CCDC62: variants seen among roughly 807,000 people sequenced by gnomAD.
The protein encoded by CCDC62 is coiled-coil domain-containing protein 62.
In CCDC62, 72 loss-of-function variants were observed where a neutral mutation model predicts 80.8. That is an observed-to-expected ratio of 0.89 (90% CI 0.74 to 1.08). The LOEUF (loss-of-function observed/expected upper bound fraction) is 1.08. Among genes scored for constraint, CCDC62 ranks in the 50% least tolerant of loss-of-function variants. The pLI, the probability that CCDC62 is intolerant of heterozygous loss-of-function variation, is 0.00. For missense variants in CCDC62, 704 were observed against 809.4 expected (o/e 0.87, Z 1.58); for synonymous variants, 286 against 296.5 (o/e 0.96, Z 0.36).
chr12:122,786,134 C>T (rs1256067221), intron 4 of CCDC62, among the ~76,000 whole-genome samples: 2 of 151,900 alleles, frequency 1.3e-5, no homozygotes, highest in East Asian at 3.9e-4. Context: ...CATTAGATTG[C>T]TTGAGAGGTT....
At chr12:122,825,901 G>T (rs2032606786) in intron 12 of CCDC62, among the ~76,000 whole-genome samples, 1 of 149,472 alleles carries the variant, frequency 6.7e-6, no homozygotes, top group Admixed American at 6.8e-5. Flanking sequence ...GCTGATGCAG[G>T]AGAATGGCTT....
chr12:122,817,534 G>T (rs937694704), intron 11 of CCDC62, among the ~76,000 whole-genome samples: 4 of 151,462 alleles, frequency 2.6e-5, no homozygotes, highest in African/African-American at 9.7e-5. Flanking sequence ...ATGTTGGCCA[G>T]GCTGGTCTCA....
Position 122,801,503 on chromosome 12 carries a change from C to A in CCDC62, c.1357C>A (p.Pro453Thr), listed in dbSNP as rs2031304257. 3 of 1,614,028 alleles carry A rather than the reference C, an allele frequency of 1.9e-6. No homozygotes were observed. Among genetic ancestry groups the A allele is most frequent in the Non-Finnish European group, 2.5e-6 (3 of 1,180,036 alleles). Reference protein sequence around the residue: ...QNEGKQPSETPTLSDEKQWHD... With the variant: ...QNEGKQPSETTTLSDEKQWHD... ...CGAAGGAAAACAACCCTCAGAAACA[C>A]CCACTTTATCTGATGAGAAGCAGTG... The change falls in exon 9 of 13, where the codon CCC (proline) becomes ACC (threonine). Residue 453 changes from proline to threonine, a missense_variant. Pro to Thr is a conservative substitution (Grantham distance 38). Transcript: ENST00000253079.
chr12:122,798,476 G>T (rs990233902), intron 8 of CCDC62, among the ~76,000 whole-genome samples: 1 of 152,096 alleles, frequency 6.6e-6, no homozygotes, highest in African/African-American at 2.4e-5. Flanking sequence ...AGTGGCTCAT[G>T]CCTGTAGTCC....
At position 122,801,611 on chromosome 12, in the gene CCDC62, C is replaced by G. The variant is rs753671216; in HGVS notation, c.1465C>G (p.Gln489Glu). 6.2e-7 allele frequency: 1 copy of G among 1,614,154 alleles called. No homozygotes were observed. The highest frequency in any genetic ancestry group is 8.5e-7 in the Non-Finnish European group (1 of 1,180,030). ...AAAGCTGGATGTAGAATGTCAAGATCAGATGGAAAGGTCCGAAATCTCATG... is the reference window on the plus strand; with the variant it reads ...AAAGCTGGATGTAGAATGTCAAGATGAGATGGAAAGGTCCGAAATCTCATG... Reference protein sequence around the residue: ...PEKLDVECQDQMERSEISCCQ... With the variant: ...PEKLDVECQDEMERSEISCCQ... The change falls in exon 9 of 13, where the codon CAG becomes GAG. Residue 489 changes from glutamine (Q) to glutamate (E), a missense_variant. Transcript: ENST00000253079.
chr12:122,798,029 G>T, intron 7 of CCDC62, 56 bp from the exon 8 acceptor site: 1 of 845,122 alleles, frequency 1.2e-6, no homozygotes, highest in South Asian at 1.5e-5. Flanking sequence ...CCAAATTGTT[G>T]GTTCAGTTTA....
intron 5 of CCDC62, among the ~76,000 whole-genome samples, chr12:122,791,178 TC>T (rs2030576631): frequency 6.6e-6 from 1 of 152,168 alleles, no homozygotes; most frequent in Non-Finnish European, 1.5e-5. Flanking sequence ...TTCACTCTTG[TC>T]GCCCAGGCTG....
chr12:122,807,779 T>A (rs1246332785), intron 10 of CCDC62, among the ~76,000 whole-genome samples: 1 of 152,146 alleles, frequency 6.6e-6, no homozygotes, highest in African/African-American at 2.4e-5. Flanking sequence ...CCCTCCCTAT[T>A]CCCAGACAAT....
At chr12:122,800,610 T>TAG in intron 8 of CCDC62, among the ~76,000 whole-genome samples, 1 of 151,986 alleles carries the variant, frequency 6.6e-6, no homozygotes, top group Non-Finnish European at 1.5e-5. Flanking sequence ...GTATATTTAG[T>TAG]AGATGGGGTT....
intron 11 of CCDC62, among the ~76,000 whole-genome samples, chr12:122,822,777 T>C (rs1254953233): frequency 6.6e-6 from 1 of 151,948 alleles, no homozygotes; most frequent in East Asian, 1.9e-4. Context: ...GTCCTCCAGG[T>C]TCATCCACGC....
rs552307525 is a variant in CCDC62, at chr12:122,787,169, CG to C, written c.498+1352del. On this transcript the variant is annotated intron_variant, in intron 4 of 12. Coordinates refer to ENST00000253079, the MANE Select transcript of CCDC62 (RefSeq NM_201435.5). ...TTAGGAAGGCTGTGCTCCTGGAGGC[CG>C]GGTGCCGTGGCTCATGCCTATAATC... is the stretch of plus-strand genomic sequence containing the variant. Among the ~76,000 whole-genome samples the C allele has an allele frequency of 2.4e-3, 363 of 151,586 alleles. 1 individual carries two copies. Among genetic ancestry groups the C allele is most frequent in the African/African-American group, 8.4e-3 (346 of 40,988 alleles).
At chr12:122,825,903 G>T (rs1435681120) in intron 12 of CCDC62, among the ~76,000 whole-genome samples, 1 of 147,258 alleles carries the variant, frequency 6.8e-6, no homozygotes, top group East Asian at 2.0e-4. Flanking sequence ...TGATGCAGGA[G>T]AATGGCTTGA....
intron 2 of CCDC62, 72 bp from the exon 3 acceptor site, chr12:122,781,084 TACCTTTTA>T: frequency 8.9e-7 from 1 of 1,126,360 alleles, no homozygotes. Context: ...ACCACATTTT[TACCTTTTA>T]ACCACCCATT....
At chr12:122,789,831 T>C (rs1401682707) in intron 5 of CCDC62, among the ~76,000 whole-genome samples, 1 of 152,204 alleles carries the variant, frequency 6.6e-6, no homozygotes, top group East Asian at 1.9e-4. Context: ...TCTCCATTTG[T>C]AGCTTCAGCT....
chr12:122,796,229 A>G (rs2030952621), intron 6 of CCDC62, among the ~76,000 whole-genome samples: 1 of 136,770 alleles, frequency 7.3e-6, no homozygotes, highest in African/African-American at 2.8e-5. Flanking sequence ...GCCAACATTC[A>G]GATATATTTA....
chr12:122,822,821 G>A (rs969588943), intron 11 of CCDC62, among the ~76,000 whole-genome samples: 2 of 151,944 alleles, frequency 1.3e-5, no homozygotes, highest in African/African-American at 2.4e-5. Context: ...TTGTTTTTAT[G>A]GCTAAATATT....
chr12:122,800,190 T>G (rs1165511204), intron 8 of CCDC62, among the ~76,000 whole-genome samples: 6 of 134,116 alleles, frequency 4.5e-5, no homozygotes, highest in African/African-American at 1.4e-4. Flanking sequence ...TTTTTTTTTG[T>G]ACATATGGGG....
rs1017831415 is a variant in CCDC62 at position 122,808,352 on chromosome 12, G to A, written c.1851+2057G>A. Among the ~76,000 whole-genome samples the A allele has an allele frequency of 3.9e-5, 6 of 152,246 alleles. No individual in the cohort carries two copies. The East Asian group carries it at 1.2e-3, about 29-fold the overall frequency. ...ACTTTTGCACCAACCTATTACCACA[G>A]TGATTTAGCCATTCATTTGTCAGTG... is the stretch of plus-strand genomic sequence containing the variant. On this transcript the variant is annotated intron_variant, in intron 10 of 12. Coordinates refer to ENST00000253079, the MANE Select transcript of CCDC62 (RefSeq NM_201435.5).
At chr12:122,799,440 T>C (rs2031160658) in intron 8 of CCDC62, among the ~76,000 whole-genome samples, 1 of 152,120 alleles carries the variant, frequency 6.6e-6, no homozygotes, top group African/African-American at 2.4e-5. Context: ...GATTACTGAG[T>C]AGGAGCCCCA....
Sources: gnomAD v4.1 joint callset for allele counts (sites outside exome capture counted in the v4.1 genomes callset) on GRCh38, gnomAD v4.1.1 for gene constraint, MANE v1.5 for transcripts, NCBI Gene and HGNC (gene_info 2026-07-23, HGNC 2026-07-21) for gene names.